The following VPS37C variants were observed in gnomAD, a reference collection of about 807,000 sequenced individuals.
The protein encoded by VPS37C is vacuolar protein sorting-associated protein 37C.
Under a neutral mutation model 16.1 loss-of-function variants are expected in VPS37C, and 9 were observed. The ratio of observed to expected loss-of-function variants is 0.56; its 90% CI spans 0.34 to 0.97. The LOEUF (loss-of-function observed/expected upper bound fraction) is 0.97. Among genes scored for constraint, VPS37C ranks in the 50% least tolerant of loss-of-function variants. The pLI is 0.02. For synonymous variants in VPS37C, 207 were observed against 206.4 expected (o/e 1.00, Z -0.02); for missense variants, 479 against 472.7 (o/e 1.01, Z -0.12).
intron 1 of VPS37C, among the ~76,000 whole-genome samples, chr11:61,157,430 C>A (rs1293397576): frequency 7.3e-6 from 1 of 136,488 alleles, no homozygotes; most frequent in Non-Finnish European, 1.6e-5. Context: ...TTTTCAATAG[C>A]CATCCTAATG....
In VPS37C at chr11:61,131,098, A is replaced by G; in HGVS notation, c.*722T>C. 7.7e-6 allele frequency: 2 copies of G among 258,166 alleles called. No homozygotes were observed. Among genetic ancestry groups the G allele is most frequent in the Non-Finnish European group, 1.5e-5 (2 of 133,456 alleles). The allele number at this position is 258,166 out of a possible 1,614,324, so 16.0% of individuals were successfully genotyped here. On this transcript the variant is annotated 3_prime_UTR_variant, in exon 5 of 5. Coordinates refer to ENST00000301765, the MANE Select transcript of VPS37C (RefSeq NM_017966.5). ...TAGAGCTGCCCGCTTCCCTCTGGCC[A>G]GAGGGCCCAAGGCAGCCCCCTGGGT...
Position 61,141,103 on chromosome 11 carries a change from T to C in VPS37C, c.-6-2268A>G, listed in dbSNP as rs186859759. Among the ~76,000 whole-genome samples the C allele has an allele frequency of 1.0e-3, 158 of 152,274 alleles. 1 individual carries two copies. Among genetic ancestry groups the C allele is most frequent in the Middle Eastern group, 0.01 (3 of 294 alleles). On this transcript the variant is annotated intron_variant, in intron 1 of 4. Transcript: ENST00000301765. ...TAAAAGCTGGGCCAGGTGCAGTGGC[T>C]TATGCCTATAATCCCAGCACTTTGG...
At chr11:61,160,357 T>A (rs1853452449) in intron 1 of VPS37C, among the ~76,000 whole-genome samples, 1 of 152,078 alleles carries the variant, frequency 6.6e-6, no homozygotes, top group African/African-American at 2.4e-5. Context: ...GACAACAAAG[T>A]AAGAGTCTTT....
chr11:61,133,439 C>T (rs1174029336), intron 3 of VPS37C, 102 bp from the exon 4 acceptor site: 2 of 1,182,922 alleles, frequency 1.7e-6, no homozygotes, highest in Admixed American at 2.1e-5. Context: ...CCAGCCACCA[C>T]AGCAGGGTCC....
chr11:61,148,578 TAAA>T (rs148831092), intron 1 of VPS37C, among the ~76,000 whole-genome samples: 13,981 of 143,526 alleles, frequency 0.097, 637 homozygotes, highest in Non-Finnish European at 0.11. Context: ...CACAGGAGGT[TAAA>T]AAAAAAAAAA....
intron 1 of VPS37C, among the ~76,000 whole-genome samples, chr11:61,142,975 T>TAAAAAAAAAAAAAAAAAAAAA: frequency 2.1e-5 from 1 of 47,590 alleles, no homozygotes; most frequent in Admixed American, 2.4e-4. Flanking sequence ...AAAGAATAGC[T>TAAAAAAAAAAAAAAAAAAAAA]AAAAAAAAAA....
Position 61,131,922 on chromosome 11 carries a change from G to C in VPS37C, c.966C>G (p.Gly322=). Residue 322 remains glycine, a synonymous_variant, in exon 5 of 5, where the codon GGC becomes GGG. Coordinates refer to ENST00000301765, the MANE Select transcript of VPS37C (RefSeq NM_017966.5). ...GCAGGGGCACTGAGGGCTGGGGCTG[G>C]CCTGGAAAGCTGGGGAGCTGAGGCT... ...PIQPQLPSFP[G]QPQPSVPLQP... is the part of the protein sequence containing the mutation. 3 of 1,295,954 alleles carry C rather than the reference G, an allele frequency of 2.3e-6. No individual in the cohort carries two copies. Among genetic ancestry groups the C allele is most frequent in the Non-Finnish European group, 3.0e-6 (3 of 1,015,510 alleles). 80.3% of individuals were successfully genotyped at this position (1,295,954 alleles called of 1,614,324 possible).
intron 2 of VPS37C, 73 bp downstream of exon 2, chr11:61,138,664 C>T: frequency 7.0e-7 from 1 of 1,421,546 alleles, no homozygotes; most frequent in Non-Finnish European, 9.9e-7. Context: ...AATAAGCCAG[C>T]ATCCTTAAAA....
rs1047344223 is a variant in VPS37C at position 61,131,584 on chromosome 11, G to A, written c.*236C>T. On this transcript the variant is annotated 3_prime_UTR_variant, in exon 5 of 5. Coordinates refer to ENST00000301765, the MANE Select transcript of VPS37C (RefSeq NM_017966.5). Reference sequence around the variant, plus strand: ...GCTGGACTCCAGCCTGGCTAGCACCGCTGCAGCCAGGCACTGAAAGGAGGG... The same window carrying A: ...GCTGGACTCCAGCCTGGCTAGCACCACTGCAGCCAGGCACTGAAAGGAGGG... 8.2e-5 allele frequency: 39 copies of A among 474,480 alleles called. No individual in the cohort carries two copies. The highest frequency in any genetic ancestry group is 6.6e-4 in the African/African-American group (33 of 50,200). The allele number at this position is 474,480 out of a possible 1,614,324, so 29.4% of individuals were successfully genotyped here. A position where few individuals can be genotyped will look rare whatever the true frequency, so the allele number is the denominator to read the frequency against.
intron 1 of VPS37C, among the ~76,000 whole-genome samples, chr11:61,148,085 T>C (rs929135512): frequency 2.0e-5 from 3 of 152,110 alleles, no homozygotes; most frequent in African/African-American, 7.2e-5. Flanking sequence ...AAATATAAAT[T>C]ATTCCACCTC....
chr11:61,151,757 A>G (rs578734), intron 1 of VPS37C, among the ~76,000 whole-genome samples: 113,004 of 152,108 alleles, frequency 0.74, 43,500 homozygotes, highest in East Asian at 1. Flanking sequence ...ACAGAGGAAC[A>G]TAACTCCAAA....
chr11:61,150,553 T>TG (rs1428566153), intron 1 of VPS37C, among the ~76,000 whole-genome samples: 2 of 33,942 alleles, frequency 5.9e-5, no homozygotes, highest in African/African-American at 4.3e-4. Flanking sequence ...TTCAAAGGAG[T>TG]TTTGTTTTTT....
At chr11:61,140,739 G>A (rs1861460166) in intron 1 of VPS37C, among the ~76,000 whole-genome samples, 1 of 152,212 alleles carries the variant, frequency 6.6e-6, no homozygotes, top group Non-Finnish European at 1.5e-5. Flanking sequence ...CTGAGTACAT[G>A]CAACGTCAGT....
intron 2 of VPS37C, 109 bp downstream of exon 2, chr11:61,138,628 G>T: frequency 1.0e-6 from 1 of 953,140 alleles, no homozygotes. Flanking sequence ...TCACAGAAAA[G>T]GGAGATGAAT....
At chr11:61,138,637 A>C in intron 2 of VPS37C, 100 bp downstream of exon 2, 5 of 1,094,134 alleles carry the variant, frequency 4.6e-6, no homozygotes, top group Non-Finnish European at 6.9e-6. Flanking sequence ...AGGGAGATGA[A>C]TTTGGCCAAA....
intron 1 of VPS37C, among the ~76,000 whole-genome samples, chr11:61,150,213 C>T (rs1853276145): frequency 6.6e-6 from 1 of 152,172 alleles, no homozygotes; most frequent in Non-Finnish European, 1.5e-5. Flanking sequence ...TGGGTCCCCC[C>T]CACCCCTGAT....
At chr11:61,155,958 G>C (rs937589026) in intron 1 of VPS37C, among the ~76,000 whole-genome samples, 2 of 151,360 alleles carry the variant, frequency 1.3e-5, no homozygotes, top group African/African-American at 4.9e-5. Context: ...CCAGGAGGAA[G>C]GAAATGAAAG....
chr11:61,132,411 C>A lies in VPS37C; in HGVS notation c.477G>T (p.Lys159Asn). The A allele has an allele frequency of 6.2e-7, 1 of 1,609,000 alleles. No homozygotes were observed. Among genetic ancestry groups the A allele is most frequent in the Non-Finnish European group, 8.5e-7 (1 of 1,177,754 alleles). Reference protein sequence around the residue: ...RVEKLQEVVRKPRASQELAGD... With the variant: ...RVEKLQEVVRNPRASQELAGD... ...CGGCCAGCTCCTGGGAAGCCCTGGG[C>A]TTCCTCACCACTTCCTGGAGCTTTT... Residue 159 changes from lysine (K) to asparagine (N), a missense_variant, in exon 5 of 5, where the codon AAG (lysine) becomes AAT (asparagine). Transcript: ENST00000301765.
At chr11:61,142,975 T>TAAAAAAAAAAAAAAAAAAAAAAAAAAAGC in intron 1 of VPS37C, among the ~76,000 whole-genome samples, 2 of 47,588 alleles carry the variant, frequency 4.2e-5, no homozygotes, top group East Asian at 6.5e-4. Context: ...AAAGAATAGC[T>TAAAAAAAAAAAAAAAAAAAAAAAAAAAGC]AAAAAAAAAA....
Sources: allele counts gnomAD v4.1 joint callset (sites outside exome capture counted in the v4.1 genomes callset), GRCh38; gene constraint gnomAD v4.1.1; transcripts MANE v1.5; gene names NCBI Gene and HGNC (gene_info 2026-07-23, HGNC 2026-07-21).